The following SVIL variants were observed in gnomAD, a reference collection of about 807,000 sequenced individuals.
SVIL encodes supervillin, also known as archvillin.
A neutral mutation model predicts 240.4 loss-of-function variants in SVIL; 101 were observed. The observed-to-expected ratio is 0.42, with a 90% CI of 0.36 to 0.50. The LOEUF is 0.50. Ranked by LOEUF, SVIL falls within the 20% of genes least tolerant of loss-of-function variation. The pLI is 0.01. For missense variants in SVIL, 2,512 were observed against 2,818.7 expected (o/e 0.89, Z 2.46); for synonymous variants, 999 against 1,100.0 (o/e 0.91, Z 1.82).
chr10:29,463,487 C>G lies in SVIL; in HGVS notation c.6277+5G>C, dbSNP rs747214376. The stretch of plus-strand genomic sequence containing the variant: ...GTGCTGCAGGCATGTTAGAGGGAGC[C>G]TCACCTTTGCAGTACTGGAGCACAG... On this transcript the variant is annotated splice_donor_5th_base_variant and intron_variant, in intron 35 of 37. Coordinates refer to ENST00000355867, the MANE Select transcript of SVIL (RefSeq NM_021738.3). 7 of 1,613,380 alleles carry G rather than the reference C, an allele frequency of 4.3e-6. No individual in the cohort carries two copies. The highest frequency in any genetic ancestry group is 1.7e-4 in the Middle Eastern group (1 of 6,052).
At chr10:29,581,126 GA>G (rs1307565441) in intron 1 of SVIL, among the ~76,000 whole-genome samples, 1 of 152,200 alleles carries the variant, frequency 6.6e-6, no homozygotes, top group Admixed American at 6.5e-5. Flanking sequence ...ATTCCAAAGT[GA>G]AGAACATATT....
rs926048873 is a variant in SVIL at position 29,555,147 on chromosome 10, G to T, written c.-50-39C>A. 1.9e-6 allele frequency: 3 copies of T among 1,543,044 alleles called. No homozygotes were observed. The South Asian group carries it at 3.6e-5, about 18-fold the overall frequency. The stretch of plus-strand genomic sequence containing the variant: ...AAAAAAGAACAAAATATAGTATTTA[G>T]TAGTCGTGCGCTCATTTTATTCACT... On this transcript the variant is annotated intron_variant, in intron 3 of 37. Coordinates refer to ENST00000355867, the MANE Select transcript of SVIL (RefSeq NM_021738.3).
rs11007614 is a variant in SVIL at position 29,484,107 on chromosome 10, T to C, written c.4955+549A>G. On this transcript the variant is annotated intron_variant, in intron 27 of 37. Transcript: ENST00000355867. This position sits in a 1 kb window ranked among gnomAD's most constrained non-coding sequence, Gnocchi z 4.7. ...ATTGCCAAAATGACTTTAAAGAGTC[T>C]AGTACATGCAGGGAATATTACAATT... is the stretch of plus-strand genomic sequence containing the variant. Among the ~76,000 whole-genome samples, 18,456 of 152,146 alleles carry C rather than the reference T, an allele frequency of 0.12. 1,463 individuals carry two copies. Among genetic ancestry groups the C allele is most frequent in the East Asian group, 0.3 (1,525 of 5,148 alleles).
chr10:29,618,260 A>G (rs369850889), intron 1 of SVIL, among the ~76,000 whole-genome samples: 1 of 152,222 alleles, frequency 6.6e-6, no homozygotes, highest in East Asian at 1.9e-4. Context: ...TCAACTCGTA[A>G]TTTTTGGGAA....
At chr10:29,466,800 G>A (rs1013098709) in intron 33 of SVIL, among the ~76,000 whole-genome samples, 4 of 152,142 alleles carry the variant, frequency 2.6e-5, no homozygotes, top group African/African-American at 9.7e-5. Context: ...ATAGAGAAAT[G>A]TGAATTCTGT....
intron 3 of SVIL, among the ~76,000 whole-genome samples, chr10:29,562,913 G>A (rs1052911105): frequency 1.3e-5 from 2 of 152,062 alleles, no homozygotes; most frequent in Non-Finnish European, 2.9e-5. Context: ...AAAGAGATGA[G>A]GGCAGGGCGA....
At chr10:29,491,054 T>G (rs927874431) in intron 21 of SVIL, 35 bp from the exon 22 acceptor site, 2 of 1,592,706 alleles carry the variant, frequency 1.3e-6, no homozygotes, top group Non-Finnish European at 1.7e-6. Context: ...TCCCAGTCTG[T>G]GACACCACCA....
chr10:29,493,916 T>C (rs1948196055), intron 20 of SVIL, among the ~76,000 whole-genome samples: 1 of 152,178 alleles, frequency 6.6e-6, no homozygotes, highest in East Asian at 1.9e-4. Context: ...GGCTTACGCT[T>C]ATAATCCCAG....
At chr10:29,490,697 CATGT>C (rs1947874534) in intron 22 of SVIL, 146 bp downstream of exon 22, 1 of 841,966 alleles carries the variant, frequency 1.2e-6, no homozygotes, top group East Asian at 2.7e-5. Context: ...GGTGCGTGCA[CATGT>C]ATGTGCAAAC....
chr10:29,531,206 G>A (rs1564585463), intron 10 of SVIL, 48 bp downstream of exon 10: 1 of 1,593,108 alleles, frequency 6.3e-7, no homozygotes, highest in Non-Finnish European at 8.6e-7. Flanking sequence ...ATTAAATCCA[G>A]TCTAGATGAG....
intron 2 of SVIL, among the ~76,000 whole-genome samples, chr10:29,680,730 C>T (rs1960572829): frequency 6.6e-6 from 1 of 152,096 alleles, no homozygotes; most frequent in South Asian, 2.1e-4. Flanking sequence ...ATCAGCCTGG[C>T]CAACATAGTA....
At chr10:29,639,461 G>A (rs1006298830), upstream of SVIL, among the ~76,000 whole-genome samples, 1 of 136,254 alleles carries the variant, frequency 7.3e-6, no homozygotes, top group Admixed American at 7.4e-5. Flanking sequence ...GAGCCACTGC[G>A]CCTGGCCCTT....
intron 34 of SVIL, among the ~76,000 whole-genome samples, chr10:29,464,614 G>A (rs1425994260): frequency 2.6e-5 from 4 of 152,066 alleles, no homozygotes; most frequent in Non-Finnish European, 5.9e-5. Flanking sequence ...AGGATTCTGT[G>A]AAAACCACAC....
chr10:29,631,238 G>A (rs137871078), intron 1 of SVIL, among the ~76,000 whole-genome samples: 6 of 152,250 alleles, frequency 3.9e-5, no homozygotes, highest in African/African-American at 1.4e-4. Context: ...GGCCCTGGCC[G>A]AGTGCAAGAT....
rs1358426230 is a variant in SVIL, at chr10:29,531,246, G to A, written c.2044+8C>T. On this transcript the variant is annotated splice_region_variant and intron_variant, in intron 10 of 37. Transcript: ENST00000355867. ...TAAAGAAGAAAAAAAAGGGAAACAG[G>A]TACTTGCCATCGACAGTTGGCGTTT... 3 of 1,613,562 alleles carry A rather than the reference G, an allele frequency of 1.9e-6. No homozygotes were observed. The highest frequency in any genetic ancestry group is 2.5e-6 in the Non-Finnish European group (3 of 1,179,842).
rs550838802 is a variant in SVIL at position 29,548,893 on chromosome 10, T to C, written c.827+1704A>G. On this transcript the variant is annotated intron_variant, in intron 6 of 37. Coordinates refer to ENST00000355867, the MANE Select transcript of SVIL (RefSeq NM_021738.3). The stretch of plus-strand genomic sequence containing the variant: ...AGAGGGTCCTGAAGTGAGGAGTCCA[T>C]GAAAGTGTCCCCATGACACCTGTTC... Among the ~76,000 whole-genome samples the C allele has an allele frequency of 1.3e-3, 202 of 152,320 alleles. 2 individuals are homozygous for C. Among genetic ancestry groups the C allele is most frequent in the African/African-American group, 4.7e-3 (195 of 41,558 alleles).
chr10:29,683,630 C>G (rs930089613), intron 2 of SVIL, among the ~76,000 whole-genome samples: 2 of 152,224 alleles, frequency 1.3e-5, no homozygotes, highest in African/African-American at 4.8e-5. Flanking sequence ...AATCAACTTA[C>G]AGCAATCTTC....
rs566415942 is a variant in SVIL, at chr10:29,462,253, CA to C, written c.6402+23del. 72 of 1,611,684 alleles carry C rather than the reference CA, an allele frequency of 4.5e-5. No individual in the cohort carries two copies. In the African/African-American group the frequency reaches 9.2e-4, roughly 21 times the overall value. ...ATCCAAAAGGCGCAGGAGCCACCTTCATAGGGCAGGAAAGCGTGCTCACCAT... is the reference window on the plus strand; with the variant it reads ...ATCCAAAAGGCGCAGGAGCCACCTTCTAGGGCAGGAAAGCGTGCTCACCAT... On this transcript the variant is annotated intron_variant, in intron 36 of 37. Transcript: ENST00000355867.
chr10:29,650,010 TGAA>T (rs1958788065), intron 3 of SVIL, among the ~76,000 whole-genome samples: 1 of 152,230 alleles, frequency 6.6e-6, no homozygotes, highest in Non-Finnish European at 1.5e-5. Flanking sequence ...TGACACAGCA[TGAA>T]GGCCCTCACC....
Sources: gnomAD v4.1 joint callset for allele counts (sites outside exome capture counted in the v4.1 genomes callset) on GRCh38, gnomAD v4.1.1 for gene constraint, Gnocchi (gnomAD v3.1) non-coding constraint, MANE v1.5 for transcripts, NCBI Gene and HGNC (gene_info 2026-07-23, HGNC 2026-07-21) for gene names.